The following SNX10 variants were observed in gnomAD, a reference collection of about 807,000 sequenced individuals.
SNX10 encodes sorting nexin-10.
In SNX10, 25 loss-of-function variants were observed where a neutral mutation model predicts 28.5. The ratio of observed to expected loss-of-function variants is 0.88; its 90% confidence interval spans 0.64 to 1.22. SNX10 has a LOEUF of 1.22. SNX10 is among the 50% of genes most tolerant of loss of function. The pLI, the probability that SNX10 is intolerant of heterozygous loss-of-function variation, is 0.00. For missense variants in SNX10, 223 were observed against 242.6 expected, an observed-to-expected ratio of 0.92 and a Z score of 0.54; for synonymous variants, 62 against 81.4, an observed-to-expected ratio of 0.76 and a Z score of 1.28.
At chr7:26,358,805 G>GT (rs35527687) in intron 2 of SNX10, among the ~76,000 whole-genome samples, 2,767 of 100,060 alleles carry the variant, frequency 0.028, 134 homozygotes, top group African/African-American at 0.041. Flanking sequence ...GTTATCTTGT[G>GT]TTTTTTTTTT....
chr7:26,347,881 G>T (rs1788450382), intron 2 of SNX10, among the ~76,000 whole-genome samples: 1 of 152,096 alleles, frequency 6.6e-6, no homozygotes, highest in South Asian at 2.1e-4. Context: ...AAAAAATTGG[G>T]CTATAATATG....
intron 1 of SNX10, among the ~76,000 whole-genome samples, chr7:26,302,399 G>A (rs1219251894): frequency 6.6e-6 from 1 of 152,200 alleles, no homozygotes; most frequent in Non-Finnish European, 1.5e-5. Context: ...GCTGGCACCA[G>A]CAGTGACAAT....
chr7:26,351,382 C>G (rs1435160855), intron 2 of SNX10, among the ~76,000 whole-genome samples: 1 of 152,192 alleles, frequency 6.6e-6, no homozygotes, highest in Non-Finnish European at 1.5e-5. Flanking sequence ...AAAAATGGCA[C>G]TTTACCCTCT....
chr7:26,344,484 C>A (rs1562807796), intron 1 of SNX10, among the ~76,000 whole-genome samples: 1 of 152,150 alleles, frequency 6.6e-6, no homozygotes, highest in Non-Finnish European at 1.5e-5. Flanking sequence ...CTGAATGTGA[C>A]TGCTCTTGGT....
At chr7:26,330,885 C>A (rs986584131) in intron 1 of SNX10, among the ~76,000 whole-genome samples, 1 of 152,086 alleles carries the variant, frequency 6.6e-6, no homozygotes, top group Non-Finnish European at 1.5e-5. Flanking sequence ...TGCGGTGGCT[C>A]ACGCCTATAA....
intron 2 of SNX10, among the ~76,000 whole-genome samples, chr7:26,355,509 G>GA (rs1305629732): frequency 2.6e-5 from 4 of 152,122 alleles, no homozygotes; most frequent in African/African-American, 7.2e-5. Context: ...TTTCAGCATA[G>GA]AGGACCTCTG....
chr7:26,341,185 G>T (rs990833071), intron 1 of SNX10, among the ~76,000 whole-genome samples: 24 of 152,182 alleles, frequency 1.6e-4, no homozygotes, highest in African/African-American at 5.6e-4. Flanking sequence ...TGTAGTCTCG[G>T]CTGCTAGGGA....
intron 1 of SNX10, among the ~76,000 whole-genome samples, chr7:26,313,665 CCT>C (rs1380646182): frequency 7.9e-5 from 12 of 152,060 alleles, no homozygotes; most frequent in Admixed American, 5.9e-4. Context: ...AACCCCACCC[CCT>C]GTTTGTCCCC....
At chr7:26,342,883 C>T (rs1031886053) in intron 1 of SNX10, among the ~76,000 whole-genome samples, 16 of 152,022 alleles carry the variant, frequency 1.1e-4, no homozygotes, top group Non-Finnish European at 1.5e-4. Context: ...CATGGCTCAC[C>T]GCAGCGTTGA....
At chr7:26,320,309 AT>A (rs1384318052) in intron 1 of SNX10, among the ~76,000 whole-genome samples, 37 of 152,242 alleles carry the variant, frequency 2.4e-4, no homozygotes, top group African/African-American at 8.7e-4. Flanking sequence ...AAAATAATAT[AT>A]AAAAAAAAGT....
intron 1 of SNX10, among the ~76,000 whole-genome samples, chr7:26,334,910 T>C (rs758781216): frequency 6.6e-6 from 1 of 152,216 alleles, no homozygotes; most frequent in African/African-American, 2.4e-5. Flanking sequence ...TTGCAGATGG[T>C]TCTGCTTGCT....
At chr7:26,313,859 A>G (rs1584104804) in intron 1 of SNX10, among the ~76,000 whole-genome samples, 3 of 152,152 alleles carry the variant, frequency 2.0e-5, no homozygotes, top group Admixed American at 2.0e-4. Flanking sequence ...GCTGAAGTGC[A>G]GTGGAGGCGC....
At chr7:26,294,004 G>A (rs1786020055) in intron 1 of SNX10, among the ~76,000 whole-genome samples, 1 of 152,146 alleles carries the variant, frequency 6.6e-6, no homozygotes, top group Non-Finnish European at 1.5e-5. Context: ...TTAAGTTACT[G>A]GGGAAAATAA....
chr7:26,314,292 CT>C (rs1786975378), intron 1 of SNX10, among the ~76,000 whole-genome samples: 5 of 151,202 alleles, frequency 3.3e-5, no homozygotes, highest in African/African-American at 1.2e-4. Flanking sequence ...GAGTCTCACT[CT>C]GTTGCCCAGG....
chr7:26,364,489 A>C lies in SNX10; in HGVS notation c.112-46A>C. On this transcript the variant is annotated intron_variant, in intron 3 of 6. Transcript: ENST00000338523. The surrounding 1 kb of genome is among the most constrained non-coding windows in gnomAD (Gnocchi z 4.9). Reference sequence around the variant, plus strand: ...TGTGAATTATAGATACAAGAAATGCATTTTTTTCCTCAGGTAAGACTCATT... The same window carrying C: ...TGTGAATTATAGATACAAGAAATGCCTTTTTTTCCTCAGGTAAGACTCATT... 2 of 1,560,024 alleles carry C rather than the reference A, an allele frequency of 1.3e-6. No individual in the cohort carries two copies. Among genetic ancestry groups the C allele is most frequent in the Non-Finnish European group, 1.7e-6 (2 of 1,152,272 alleles).
chr7:26,354,699 TA>T (rs55904459), intron 2 of SNX10, among the ~76,000 whole-genome samples: 92,981 of 151,128 alleles, frequency 0.62, 29,091 homozygotes, highest in South Asian at 0.82. Context: ...TGTTTTTTTT[TA>T]AAATATATTC....
At chr7:26,366,468 G>A (rs1383683168) in intron 5 of SNX10, among the ~76,000 whole-genome samples, 2 of 152,152 alleles carry the variant, frequency 1.3e-5, no homozygotes, top group Non-Finnish European at 1.5e-5. Flanking sequence ...CAAGTCCTCC[G>A]AAAACATTTC....
intron 1 of SNX10, among the ~76,000 whole-genome samples, chr7:26,336,920 T>C (rs1787966802): frequency 6.6e-6 from 1 of 152,252 alleles, no homozygotes; most frequent in South Asian, 2.1e-4. Flanking sequence ...ACAAATATTT[T>C]GCACATGTAG....
intron 1 of SNX10, among the ~76,000 whole-genome samples, chr7:26,337,005 G>C (rs534328077): frequency 6.0e-4 from 92 of 152,116 alleles, no homozygotes; most frequent in Admixed American, 9.8e-4. Context: ...TTATATTGTT[G>C]CTTTTGAAAT....
Sources: allele counts gnomAD v4.1 joint callset (sites outside exome capture counted in the v4.1 genomes callset), GRCh38; gene constraint gnomAD v4.1.1; non-coding constraint Gnocchi (gnomAD v3.1); transcripts MANE v1.5; gene names NCBI Gene and HGNC (gene_info 2026-07-23, HGNC 2026-07-21).